The following SLC24A2 variants were observed in gnomAD, a reference collection of about 807,000 sequenced individuals.
SLC24A2 encodes sodium/potassium/calcium exchanger 2.
In SLC24A2, 36 loss-of-function variants were observed where a neutral mutation model predicts 62.0. The ratio of observed to expected loss-of-function variants is 0.58; its 90% CI spans 0.44 to 0.77. SLC24A2 has a LOEUF of 0.77. SLC24A2 is among the 30% of genes least tolerant of loss of function. The pLI is 0.00. For synonymous variants in SLC24A2, 358 were observed against 294.0 expected (o/e 1.22, Z -2.23); for missense variants, 846 against 817.9 (o/e 1.03, Z -0.42).
the SLC24A2 span, among the ~76,000 whole-genome samples, chr9:19,924,620 G>A: frequency 6.6e-6 from 1 of 152,180 alleles, no homozygotes; most frequent in South Asian, 2.1e-4. Flanking sequence ...TCCTCCTTAA[G>A]AGCAAATAAG....
chr9:19,631,372 G>C (rs1412930255), intron 2 of SLC24A2, among the ~76,000 whole-genome samples: 1 of 152,106 alleles, frequency 6.6e-6, no homozygotes, highest in Non-Finnish European at 1.5e-5. Context: ...TCTGGCATGT[G>C]TGCTCTGACT....
chr9:19,796,431 T>A, the SLC24A2 span, among the ~76,000 whole-genome samples: 1 of 152,248 alleles, frequency 6.6e-6, no homozygotes, highest in Non-Finnish European at 1.5e-5. Flanking sequence ...TCCCACATGG[T>A]ACTCATTCTA....
intron 7 of SLC24A2, among the ~76,000 whole-genome samples, chr9:19,557,467 G>C (rs1687761206): frequency 6.6e-6 from 1 of 152,218 alleles, no homozygotes; most frequent in Non-Finnish European, 1.5e-5. Context: ...ATACAAGGGA[G>C]TTTATCTGAA....
chr9:19,973,178 A>G, the SLC24A2 span, among the ~76,000 whole-genome samples: 1 of 152,220 alleles, frequency 6.6e-6, no homozygotes, highest in African/African-American at 2.4e-5. Context: ...ATTTCTAAAA[A>G]CAAACAAAAA....
chr9:20,243,477 A>T, the SLC24A2 span, among the ~76,000 whole-genome samples: 46 of 152,338 alleles, frequency 3.0e-4, no homozygotes, highest in Non-Finnish European at 3.2e-4. Flanking sequence ...ATGAGTAGTA[A>T]AAATATTAAA....
the SLC24A2 span, among the ~76,000 whole-genome samples, chr9:20,040,820 C>T: frequency 6.6e-6 from 1 of 152,196 alleles, no homozygotes; most frequent in Non-Finnish European, 1.5e-5. Flanking sequence ...CTGCTTTCCA[C>T]ATGTATTTTG....
At chr9:20,079,735 T>C in the SLC24A2 span, among the ~76,000 whole-genome samples, 1 of 152,222 alleles carries the variant, frequency 6.6e-6, no homozygotes, top group Non-Finnish European at 1.5e-5. Context: ...TCTGTTTGTC[T>C]GTTAGTGGTG....
chr9:20,077,294 G>C, the SLC24A2 span, among the ~76,000 whole-genome samples: 1 of 151,852 alleles, frequency 6.6e-6, no homozygotes, highest in South Asian at 2.1e-4. Flanking sequence ...AGCTGCTCTT[G>C]CCAAAAAACA....
chr9:20,235,761 C>T, the SLC24A2 span, among the ~76,000 whole-genome samples: 9 of 152,338 alleles, frequency 5.9e-5, no homozygotes, highest in African/African-American at 1.9e-4. Flanking sequence ...CTGGCACTCC[C>T]CAGTGAGATG....
At chr9:19,553,179 C>A (rs1443412020) in intron 7 of SLC24A2, among the ~76,000 whole-genome samples, 3 of 152,122 alleles carry the variant, frequency 2.0e-5, no homozygotes, top group African/African-American at 7.2e-5. Flanking sequence ...CAATGGGAGG[C>A]AGTTTGCAAG....
At chr9:19,684,479 T>C (rs145411788) in intron 2 of SLC24A2, among the ~76,000 whole-genome samples, 4 of 152,132 alleles carry the variant, frequency 2.6e-5, no homozygotes, top group Admixed American at 6.6e-5. Context: ...GACATGTGGC[T>C]GGGGAGAGCA....
chr9:19,588,175 T>C lies in SLC24A2; in HGVS notation c.1129+9054A>G, dbSNP rs562805654. ...GGTTCAATACAGTTTTTTTTCTTTT[T>C]TTCTTTTTTTTTTTTTTTTCTGGAT... On this transcript the variant is annotated intron_variant, in intron 5 of 10. Coordinates refer to ENST00000341998, the MANE Select transcript of SLC24A2 (RefSeq NM_020344.4). Among the ~76,000 whole-genome samples, 519 of 71,842 alleles carry C rather than the reference T, an allele frequency of 7.2e-3. 7 individuals are homozygous for C. The highest frequency in any genetic ancestry group is 0.03 in the South Asian group (38 of 1,258). The allele number at this position is 71,842 out of a possible 152,430, so 47.1% of individuals were successfully genotyped here.
At chr9:20,038,292 A>G in the SLC24A2 span, among the ~76,000 whole-genome samples, 6 of 152,216 alleles carry the variant, frequency 3.9e-5, no homozygotes, top group African/African-American at 1.4e-4. Context: ...AGCCCTCACA[A>G]GAGATGAGAG....
chr9:19,859,182 T>G, the SLC24A2 span, among the ~76,000 whole-genome samples: 1 of 152,134 alleles, frequency 6.6e-6, no homozygotes. Context: ...AAGAATGAGA[T>G]CATATTCTTT....
intron 2 of SLC24A2, among the ~76,000 whole-genome samples, chr9:19,778,767 A>G (rs1822920383): frequency 6.6e-6 from 1 of 152,238 alleles, no homozygotes; most frequent in Admixed American, 6.5e-5. Context: ...TAAAGTCCCA[A>G]GAAACATATG....
the SLC24A2 span, among the ~76,000 whole-genome samples, chr9:19,898,691 G>A: frequency 6.9e-6 from 1 of 144,932 alleles, no homozygotes; most frequent in Non-Finnish European, 1.5e-5. Context: ...GCCGTGAGCT[G>A]AGATCGTGCC....
intron 2 of SLC24A2, among the ~76,000 whole-genome samples, chr9:19,754,816 T>C (rs1267899053): frequency 6.6e-6 from 1 of 152,110 alleles, no homozygotes; most frequent in Non-Finnish European, 1.5e-5. Flanking sequence ...ATTCCTCTCC[T>C]GCTCGACAGG....
chr9:19,727,856 G>A (rs376360087), intron 2 of SLC24A2, among the ~76,000 whole-genome samples: 27 of 152,088 alleles, frequency 1.8e-4, no homozygotes, highest in African/African-American at 5.6e-4. Context: ...ACTACAAATC[G>A]AGATCATTTC....
the SLC24A2 span, among the ~76,000 whole-genome samples, chr9:20,007,893 T>C: frequency 3.8e-5 from 4 of 105,486 alleles, no homozygotes; most frequent in Middle Eastern, 4.3e-3. Flanking sequence ...TTTTTTTTTT[T>C]TTTTTTTTTT....
Sources: gnomAD v4.1 joint callset for allele counts (sites outside exome capture counted in the v4.1 genomes callset) on GRCh38, gnomAD v4.1.1 for gene constraint, MANE v1.5 for transcripts, NCBI Gene and HGNC (gene_info 2026-07-23, HGNC 2026-07-21) for gene names.